SLC15A2: variants seen among roughly 807,000 people sequenced by gnomAD.
The protein encoded by SLC15A2 is kidney H(+)/peptide cotransporter.
Under a neutral mutation model 95.5 loss-of-function variants are expected in SLC15A2, and 77 were observed. That is an observed-to-expected ratio of 0.81 (90% CI 0.67 to 0.97). The LOEUF (loss-of-function observed/expected upper bound fraction) is 0.97, where lower values mean the gene tolerates loss of function less well. Among genes scored for constraint, SLC15A2 ranks in the 50% least tolerant of loss-of-function variants. The pLI is 0.00. For missense variants in SLC15A2, 893 were observed against 874.4 expected (o/e 1.02, Z -0.27); for synonymous variants, 306 against 306.9 (o/e 1.00, Z 0.03).
intron 3 of SLC15A2, among the ~76,000 whole-genome samples, chr3:121,897,908 T>C (rs769358407): frequency 6.6e-6 from 1 of 152,210 alleles, no homozygotes; most frequent in Non-Finnish European, 1.5e-5. Context: ...ACGCCTGTAA[T>C]CCCAGCACTT....
intron 3 of SLC15A2, among the ~76,000 whole-genome samples, chr3:121,904,222 G>T (rs981807153): frequency 4.6e-5 from 7 of 152,176 alleles, no homozygotes; most frequent in African/African-American, 1.7e-4. Context: ...CTTTGCTGAA[G>T]TTGCTTATCA....
Position 121,943,484 on chromosome 3 carries a change from T to C in SLC15A2, c.*2477T>C, listed in dbSNP as rs1282755765. 1 of 152,146 alleles carries C rather than the reference T, an allele frequency of 6.6e-6. No homozygotes were observed. The highest frequency in any genetic ancestry group is 2.4e-5 in the African/African-American group (1 of 41,426). 9.4% of individuals were successfully genotyped at this position (152,146 alleles called of 1,614,324 possible). A position where few individuals can be genotyped will look rare whatever the true frequency, so the allele number is the denominator to read the frequency against. On this transcript the variant is annotated 3_prime_UTR_variant, in exon 22 of 22. Transcript: ENST00000489711. ...TTATCTGAAATACAGCAATTAATATTAAGATATCTTAATATGAAGTGCCTG... is the reference window on the plus strand; with the variant it reads ...TTATCTGAAATACAGCAATTAATATCAAGATATCTTAATATGAAGTGCCTG...
At chr3:121,897,752 C>T (rs1233274472) in intron 3 of SLC15A2, among the ~76,000 whole-genome samples, 1 of 152,198 alleles carries the variant, frequency 6.6e-6, no homozygotes, top group African/African-American at 2.4e-5. Context: ...TGTTTACATC[C>T]TCTTCAGTTG....
At chr3:121,913,455 G>A (rs866928) in intron 5 of SLC15A2, among the ~76,000 whole-genome samples, 67,943 of 152,038 alleles carry the variant, frequency 0.45, 15,705 homozygotes, top group East Asian at 0.69. Context: ...ACCAATGAGT[G>A]AAAGCCTCCA....
rs1317971350 is a variant in SLC15A2 at position 121,924,352 on chromosome 3, G to A, written c.1004G>A (p.Gly335Glu). ...LQAIRMNRNL[G>E]FFVLQPDQMQ... is the part of the protein sequence containing the mutation. The stretch of plus-strand genomic sequence containing the variant: ...AATTAATTTGTTAAAATGTTTCAGG[G>A]GTTTTTTGTGCTTCAGCCGGACCAG... Residue 335 changes from glycine (G) to glutamate (E), a missense_variant and splice_region_variant, in exon 12 of 22, where the codon GGG (glycine) becomes GAG (glutamate). By Grantham distance (98) the Gly-to-Glu change is moderately conservative. Transcript: ENST00000489711. 1 of 1,613,016 alleles carries A rather than the reference G, an allele frequency of 6.2e-7. No homozygotes were observed. Among genetic ancestry groups the A allele is most frequent in the South Asian group, 1.1e-5 (1 of 91,044 alleles).
chr3:121,908,340 G>A (rs750602966), intron 3 of SLC15A2, among the ~76,000 whole-genome samples: 1 of 152,182 alleles, frequency 6.6e-6, no homozygotes, highest in African/African-American at 2.4e-5. Flanking sequence ...GTCCTTCCTG[G>A]GTGAGGCAAT....
At position 121,923,111 on chromosome 3, in the gene SLC15A2, G is replaced by C; in HGVS notation, c.939G>C (p.Trp313Cys). ...LFLYIPLPMF[W>C]ALLDQQGSRW... ...TTTATATCCCATTGCCCATGTTCTG[G>C]GCTCTTTTGGATCAGCAGGTAAGAA... The change falls in exon 10 of 22, where the codon TGG becomes TGC. Residue 313 changes from tryptophan to cysteine, a missense_variant. Coordinates refer to ENST00000489711, the MANE Select transcript of SLC15A2 (RefSeq NM_021082.4). 2 of 1,613,872 alleles carry C rather than the reference G, an allele frequency of 1.2e-6. No homozygotes were observed. Among genetic ancestry groups the C allele is most frequent in the Non-Finnish European group, 1.7e-6 (2 of 1,179,864 alleles).
chr3:121,922,274 T>G lies in SLC15A2; in HGVS notation c.752T>G (p.Ile251Arg). ...IYNKPPPEGN[I>R]VAQVFKCIWF... ...AATAAACCACCCCCTGAAGGAAACA[T>G]AGTGGCTCAAGTTTTCAAATGTATC... Residue 251 changes from isoleucine (I) to arginine (R), a missense_variant, in exon 8 of 22, where the codon ATA becomes AGA. Physicochemically the swap from Ile to Arg is moderately conservative, Grantham distance 97. Transcript: ENST00000489711. 6.2e-7 allele frequency: 1 copy of G among 1,613,934 alleles called. No individual in the cohort carries two copies. The highest frequency in any genetic ancestry group is 8.5e-7 in the Non-Finnish European group (1 of 1,179,840).
Position 121,928,527 on chromosome 3 carries a change from T to A in SLC15A2, c.1313T>A (p.Leu438Gln). 1 of 1,614,130 alleles carries A rather than the reference T, an allele frequency of 6.2e-7. No homozygotes were observed. The highest frequency in any genetic ancestry group is 8.5e-7 in the Non-Finnish European group (1 of 1,179,978). The change falls in exon 15 of 22, where the codon CTG becomes CAG. Residue 438 changes from leucine (L) to glutamine (Q), a missense_variant. Leu to Gln is a moderately radical substitution (Grantham distance 113, BLOSUM62 -2). Coordinates refer to ENST00000489711, the MANE Select transcript of SLC15A2 (RefSeq NM_021082.4). Reference sequence around the variant, plus strand: ...GTGGTGGGAAATGAAAACAATTCTCTGTTGATAGAGTCCATCAAATCCTTT... The same window carrying A: ...GTGGTGGGAAATGAAAACAATTCTCAGTTGATAGAGTCCATCAAATCCTTT... ...VTVVGNENNS[L>Q]LIESIKSFQK...
At position 121,915,411 on chromosome 3, in the gene SLC15A2, A is replaced by C. The variant is rs567792755; in HGVS notation, c.619+94A>C. 6.0e-5 allele frequency: 54 copies of C among 898,624 alleles called. 2 individuals carry two copies. Among genetic ancestry groups the C allele is most frequent in the South Asian group, 2.9e-4 (20 of 70,090 alleles). The allele number at this position is 898,624 out of a possible 1,614,324, so 55.7% of individuals were successfully genotyped here. ...TCTCCTGTCTATCATCTCCTTTTAT[A>C]AGAGCTTGATAATCTGTGAAAATTT... On this transcript the variant is annotated intron_variant, in intron 6 of 21. Coordinates refer to ENST00000489711, the MANE Select transcript of SLC15A2 (RefSeq NM_021082.4).
At chr3:121,916,975 C>G (rs563968601) in intron 7 of SLC15A2, among the ~76,000 whole-genome samples, 16 of 152,206 alleles carry the variant, frequency 1.1e-4, no homozygotes, top group South Asian at 6.2e-4. Flanking sequence ...CGCCCACCAC[C>G]ATGCCTGGCT....
intron 5 of SLC15A2, among the ~76,000 whole-genome samples, chr3:121,913,848 T>G (rs1355933049): frequency 6.6e-6 from 1 of 152,238 alleles, no homozygotes; most frequent in Non-Finnish European, 1.5e-5. Flanking sequence ...TTTTCAGTTT[T>G]GTCTGTCTTC....
At position 121,929,344 on chromosome 3, in the gene SLC15A2, G is replaced by T. The variant is rs372532662; in HGVS notation, c.1549G>T (p.Val517Leu). 11 of 1,613,806 alleles carry T rather than the reference G, an allele frequency of 6.8e-6. No individual in the cohort carries two copies. The highest frequency in any genetic ancestry group is 9.3e-6 in the Non-Finnish European group (11 of 1,179,732). Residue 517 changes from valine to leucine, a missense_variant, in exon 17 of 22, where the codon GTG (valine) becomes TTG (leucine). By Grantham distance (32) the Val-to-Leu change is conservative. Transcript: ENST00000489711. ...ESRTTNGMTT[V>L]RFVNTLHKDV... ...CAGAACAACCAATGGGATGACAACC[G>T]TGAGGTTTGAATGTCAATGAGATTC... is the stretch of plus-strand genomic sequence containing the variant.
At chr3:121,911,191 T>C (rs1709759214) in intron 3 of SLC15A2, among the ~76,000 whole-genome samples, 1 of 152,234 alleles carries the variant, frequency 6.6e-6, no homozygotes, top group African/African-American at 2.4e-5. Flanking sequence ...TATCCTCTTC[T>C]ACTGGTTCTC....
At chr3:121,940,279 G>A in intron 20 of SLC15A2, 105 bp from the exon 21 acceptor site, 1 of 736,558 alleles carries the variant, frequency 1.4e-6, no homozygotes, top group Admixed American at 2.0e-5. Context: ...AACTTAATAA[G>A]AGAAGTTCTA....
Position 121,928,303 on chromosome 3 carries a change from A to T in SLC15A2, c.1207-118A>T, listed in dbSNP as rs1576687389. 7.1e-6 allele frequency: 9 copies of T among 1,258,970 alleles called. No homozygotes were observed. In the East Asian group the frequency reaches 2.1e-4, roughly 30 times the overall value. The allele number at this position is 1,258,970 out of a possible 1,614,324, so 78.0% of individuals were successfully genotyped here. ...TCTAAGCCAAATATTTTTCAGAGGGAGAAAACTATGTCTACTTGGCTAGTG... is the reference window on the plus strand; with the variant it reads ...TCTAAGCCAAATATTTTTCAGAGGGTGAAAACTATGTCTACTTGGCTAGTG... On this transcript the variant is annotated intron_variant, in intron 14 of 21. Coordinates refer to ENST00000489711, the MANE Select transcript of SLC15A2 (RefSeq NM_021082.4).
intron 7 of SLC15A2, 35 bp downstream of exon 7, chr3:121,915,728 T>C: frequency 2.1e-6 from 3 of 1,444,140 alleles, no homozygotes; most frequent in Non-Finnish European, 2.9e-6. Context: ...CTAATAATCA[T>C]TGATACCTGA....
rs1710154011 is a variant in SLC15A2, at chr3:121,927,930, C to A, written c.1206+91C>A. 3.3e-6 allele frequency: 3 copies of A among 913,882 alleles called. No homozygotes were observed. The East Asian group carries it at 7.5e-5, about 23-fold the overall frequency. 56.6% of individuals were successfully genotyped at this position (913,882 alleles called of 1,614,324 possible). A position where few individuals can be genotyped will look rare whatever the true frequency, so the allele number is the denominator to read the frequency against. On this transcript the variant is annotated intron_variant, in intron 14 of 21. Coordinates refer to ENST00000489711, the MANE Select transcript of SLC15A2 (RefSeq NM_021082.4). The stretch of plus-strand genomic sequence containing the variant: ...TTGTTCAGTCATGATTCCCTGGGAC[C>A]TAGCACAGTACCTGTTTTATAAGAG...
intron 3 of SLC15A2, among the ~76,000 whole-genome samples, chr3:121,904,357 A>G (rs535640639): frequency 1.2e-4 from 19 of 152,186 alleles, no homozygotes; most frequent in South Asian, 8.3e-4. Flanking sequence ...TCTCCTGCCT[A>G]ATTGCCCTGG....
Sources: allele counts gnomAD v4.1 joint callset (sites outside exome capture counted in the v4.1 genomes callset), GRCh38; gene constraint gnomAD v4.1.1; transcripts MANE v1.5; gene names NCBI Gene and HGNC (gene_info 2026-07-23, HGNC 2026-07-21).